Variants in NEK11 observed in about 807,000 individuals in gnomAD.
The protein encoded by NEK11 is NIMA related kinase 11, also known as serine/threonine-protein kinase Nek11.
A neutral mutation model predicts 80.7 loss-of-function variants in NEK11; 72 were observed. That is an observed-to-expected ratio of 0.89 (90% CI 0.74 to 1.08). The LOEUF is 1.08. Among genes scored for constraint, NEK11 ranks in the 50% least tolerant of loss-of-function variants. NEK11 has a pLI of 0.00. For synonymous variants in NEK11, 251 were observed against 260.7 expected (o/e 0.96, Z 0.36); for missense variants, 764 against 763.6 (o/e 1.00, Z -0.01).
At chr3:131,041,851 A>G (rs1477862313) in intron 3 of NEK11, among the ~76,000 whole-genome samples, 1 of 152,236 alleles carries the variant, frequency 6.6e-6, no homozygotes, top group African/African-American at 2.4e-5. Context: ...TGCAGCTCCC[A>G]GCGAGATCAA....
At position 131,109,896 on chromosome 3, in the gene NEK11, C is replaced by G; in HGVS notation, c.430C>G (p.Leu144Val). ...QIIEWFIQLL[L>V]GVDYMHERRI... ...AATAGAATGGTTTATCCAGCTGCTG[C>G]TGGGAGTTGACTACATGCATGAGAG... Residue 144 changes from leucine (L) to valine (V), a missense_variant, in exon 5 of 18, where the codon CTG becomes GTG. Coordinates refer to ENST00000383366, the MANE Select transcript of NEK11 (RefSeq NM_024800.5). 6.2e-7 allele frequency: 1 copy of G among 1,600,294 alleles called. No individual in the cohort carries two copies. Among genetic ancestry groups the G allele is most frequent in the Non-Finnish European group, 8.5e-7 (1 of 1,174,746 alleles).
intron 14 of NEK11, among the ~76,000 whole-genome samples, chr3:131,211,553 T>G (rs1454534103): frequency 6.6e-6 from 1 of 152,218 alleles, no homozygotes; most frequent in Non-Finnish European, 1.5e-5. Context: ...GATAATATCC[T>G]GCAGAGTGTT....
intron 3 of NEK11, among the ~76,000 whole-genome samples, chr3:131,060,324 A>G (rs968857653): frequency 1.3e-5 from 2 of 152,238 alleles, no homozygotes; most frequent in African/African-American, 2.4e-5. Flanking sequence ...GGCCATTTTT[A>G]GTGAGAGAAA....
chr3:131,296,892 A>G (rs2096599725), intron 17 of NEK11, among the ~76,000 whole-genome samples: 1 of 150,762 alleles, frequency 6.6e-6, no homozygotes, highest in African/African-American at 2.4e-5. Flanking sequence ...ATTCCCACCT[A>G]TGAGTGAGAA....
intron 4 of NEK11, among the ~76,000 whole-genome samples, chr3:131,086,682 T>C (rs946600058): frequency 5.3e-5 from 8 of 152,206 alleles, no homozygotes; most frequent in African/African-American, 1.9e-4. Context: ...ATTTTCTGAC[T>C]GTTAAATCCA....
intron 16 of NEK11, among the ~76,000 whole-genome samples, chr3:131,267,535 G>A (rs2096084042): frequency 6.6e-6 from 1 of 152,148 alleles, no homozygotes; most frequent in Admixed American, 6.5e-5. Context: ...CTTCTGGCTT[G>A]TAGGGTTTCT....
chr3:131,204,095 A>T (rs184550624), intron 14 of NEK11, among the ~76,000 whole-genome samples: 26 of 152,168 alleles, frequency 1.7e-4, no homozygotes, highest in African/African-American at 6.3e-4. Flanking sequence ...ACATTTTGAC[A>T]CAGTTATCCA....
chr3:131,063,870 T>C (rs2071379203), intron 3 of NEK11, among the ~76,000 whole-genome samples: 1 of 152,156 alleles, frequency 6.6e-6, no homozygotes, highest in Non-Finnish European at 1.5e-5. Flanking sequence ...CTCAAAACCT[T>C]GTACACAAAT....
chr3:131,246,514 T>G (rs1461137618), intron 16 of NEK11, among the ~76,000 whole-genome samples: 1 of 152,188 alleles, frequency 6.6e-6, no homozygotes, highest in Non-Finnish European at 1.5e-5. Context: ...ATCCACTCAT[T>G]GATCGATGGA....
chr3:131,285,403 C>G (rs990021362), intron 17 of NEK11, among the ~76,000 whole-genome samples: 1 of 152,168 alleles, frequency 6.6e-6, no homozygotes, highest in African/African-American at 2.4e-5. Context: ...GCTCAAGAGC[C>G]CTGCGTCTAC....
intron 5 of NEK11, among the ~76,000 whole-genome samples, chr3:131,125,816 A>G (rs1037983601): frequency 6.6e-6 from 1 of 152,254 alleles, no homozygotes; most frequent in Non-Finnish European, 1.5e-5. Flanking sequence ...TGAGTGAAGA[A>G]CTGTGAAGAG....
chr3:131,118,318 T>A (rs2081672840), intron 5 of NEK11, among the ~76,000 whole-genome samples: 1 of 152,246 alleles, frequency 6.6e-6, no homozygotes, highest in Non-Finnish European at 1.5e-5. Context: ...ATCCCAGGGA[T>A]GAAGCCAACT....
At chr3:131,197,975 T>C (rs1046599978) in intron 14 of NEK11, among the ~76,000 whole-genome samples, 7 of 152,114 alleles carry the variant, frequency 4.6e-5, no homozygotes, top group Non-Finnish European at 1.0e-4. Context: ...AATAATAATC[T>C]CCTAATGGCT....
intron 3 of NEK11, among the ~76,000 whole-genome samples, chr3:131,073,083 C>T (rs947887449): frequency 6.6e-6 from 1 of 152,126 alleles, no homozygotes. Flanking sequence ...GGACATGGTC[C>T]ATTTGGACGC....
At chr3:131,295,027 C>T (rs2096579414) in intron 17 of NEK11, among the ~76,000 whole-genome samples, 1 of 151,852 alleles carries the variant, frequency 6.6e-6, no homozygotes, top group African/African-American at 2.4e-5. Context: ...TTTTTTGATC[C>T]ACCCTGACAA....
intron 15 of NEK11, among the ~76,000 whole-genome samples, chr3:131,229,695 TAAG>T (rs1283916436): frequency 3.9e-5 from 6 of 151,924 alleles, no homozygotes; most frequent in Non-Finnish European, 7.4e-5. Context: ...ATAAAAGCAG[TAAG>T]AAGTGCTCTC....
chr3:131,171,896 T>G (rs1216211557), intron 14 of NEK11, among the ~76,000 whole-genome samples: 1 of 152,260 alleles, frequency 6.6e-6, no homozygotes, highest in Non-Finnish European at 1.5e-5. Context: ...AATGTTAGTC[T>G]GATCCTCTGA....
At chr3:131,323,151 A>G (rs2096913937) in intron 17 of NEK11, among the ~76,000 whole-genome samples, 3 of 152,160 alleles carry the variant, frequency 2.0e-5, no homozygotes, top group African/African-American at 2.4e-5. Context: ...CAAACAAACC[A>G]TTGCTCAAAA....
rs757606126 is a variant in NEK11 at position 131,297,896 on chromosome 3, C to T, written c.1718+24322C>T. ...TTTCTACATATGGCTAGCCAGTTTT[C>T]CCAGCACCATTTATTAAATAGGGAA... On this transcript the variant is annotated intron_variant, in intron 17 of 17. Coordinates refer to ENST00000383366, the MANE Select transcript of NEK11 (RefSeq NM_024800.5). Among the ~76,000 whole-genome samples, 589 of 152,188 alleles carry T rather than the reference C, an allele frequency of 3.9e-3. 2 individuals carry two copies. The highest frequency in any genetic ancestry group is 0.014 in the Middle Eastern group (4 of 294).
Sources: allele counts gnomAD v4.1 joint callset (sites outside exome capture counted in the v4.1 genomes callset), GRCh38; gene constraint gnomAD v4.1.1; transcripts MANE v1.5; gene names NCBI Gene and HGNC (gene_info 2026-07-23, HGNC 2026-07-21).